RTL4: variants seen among roughly 807,000 people sequenced by gnomAD.
RTL4 encodes retrotransposon Gag-like protein 4.
Under a neutral mutation model 5.3 loss-of-function variants are expected in RTL4, and 4 were observed. That is an observed-to-expected ratio of 0.75 (90% CI 0.37 to 1.72). RTL4 has a LOEUF of 1.72. Ranked by LOEUF, RTL4 falls within the 40% of genes most tolerant of loss-of-function variation. The pLI, the probability that RTL4 is intolerant of heterozygous loss-of-function variation, is 0.04. For synonymous variants in RTL4, 98 were observed against 87.3 expected, an observed-to-expected ratio of 1.12 and a Z score of -0.68; for missense variants, 260 against 227.1, an observed-to-expected ratio of 1.14 and a Z score of -0.93.
upstream of RTL4, among the ~76,000 whole-genome samples, chrX:112,451,540 A>G (rs1433610944): frequency 8.9e-6 from 1 of 111,994 alleles, no homozygotes; most frequent in Non-Finnish European, 1.9e-5. Context: ...GTATGAAGCC[A>G]TGCTAATCTC....
the RTL4 span, among the ~76,000 whole-genome samples, chrX:112,261,812 C>T: frequency 8.9e-5 from 10 of 111,741 alleles, no homozygotes; most frequent in African/African-American, 3.3e-4. Context: ...GCTGCAGTAA[C>T]CAAAACAACA....
chrX:112,128,873 C>A, the RTL4 span, among the ~76,000 whole-genome samples: 1 of 110,915 alleles, frequency 9.0e-6, no homozygotes, highest in Non-Finnish European at 1.9e-5. Flanking sequence ...TTCTGTGCAT[C>A]AAAGGACATT....
chrX:112,286,864 A>G, the RTL4 span, among the ~76,000 whole-genome samples: 2 of 111,821 alleles, frequency 1.8e-5, no homozygotes, highest in East Asian at 5.6e-4. Context: ...AAGGAAACTA[A>G]TTAAGGTAAT....
At chrX:112,365,811 T>C in the RTL4 span, among the ~76,000 whole-genome samples, 1 of 111,204 alleles carries the variant, frequency 9.0e-6, no homozygotes, top group Admixed American at 9.5e-5. Context: ...CTCCATTCTC[T>C]TAATCATTGC....
the RTL4 span, among the ~76,000 whole-genome samples, chrX:112,358,289 T>C: frequency 9.2e-6 from 1 of 108,424 alleles, no homozygotes; most frequent in African/African-American, 3.4e-5. Context: ...TTTTTTTTTT[T>C]TTAGAGATGG....
At chrX:112,119,189 G>A in the RTL4 span, among the ~76,000 whole-genome samples, 1 of 110,497 alleles carries the variant, frequency 9.1e-6, no homozygotes, top group Non-Finnish European at 1.9e-5. Flanking sequence ...TGGAAATACA[G>A]TGTGTATAGA....
At chrX:112,242,659 C>T in the RTL4 span, among the ~76,000 whole-genome samples, 1 of 111,415 alleles carries the variant, frequency 9.0e-6, no homozygotes, top group East Asian at 2.8e-4. Flanking sequence ...CAATTTAACT[C>T]CTCTTTTCCT....
the RTL4 span, among the ~76,000 whole-genome samples, chrX:112,426,331 T>G: frequency 1.8e-5 from 2 of 111,654 alleles, no homozygotes; most frequent in Non-Finnish European, 3.8e-5. Flanking sequence ...TATTAAAATT[T>G]GAAATCCAGT....
At chrX:112,391,365 C>T in the RTL4 span, among the ~76,000 whole-genome samples, 43 of 111,169 alleles carry the variant, frequency 3.9e-4, no homozygotes, top group African/African-American at 1.2e-3. Context: ...CTGATGTGGT[C>T]GTTTGGAGGA....
chrX:112,251,555 G>A, the RTL4 span, among the ~76,000 whole-genome samples: 1 of 111,658 alleles, frequency 9.0e-6, no homozygotes, highest in South Asian at 3.7e-4. Flanking sequence ...ATTAGGTCCA[G>A]ATTTAACCAG....
At chrX:112,321,710 G>C in the RTL4 span, among the ~76,000 whole-genome samples, 2 of 111,503 alleles carry the variant, frequency 1.8e-5, no homozygotes, top group Non-Finnish European at 3.8e-5. Context: ...CCTATGAAGC[G>C]AGGATGATGA....
At chrX:112,193,388 T>G in the RTL4 span, among the ~76,000 whole-genome samples, 1 of 111,520 alleles carries the variant, frequency 9.0e-6, no homozygotes, top group Non-Finnish European at 1.9e-5. Flanking sequence ...TTATTTCTTC[T>G]GTCTAACTGT....
chrX:112,189,467 G>C, the RTL4 span, among the ~76,000 whole-genome samples: 6 of 111,603 alleles, frequency 5.4e-5, no homozygotes, highest in Admixed American at 1.9e-4. Flanking sequence ...AATGACAACT[G>C]AACATGTGTA....
At chrX:112,432,291 C>T in the RTL4 span, among the ~76,000 whole-genome samples, 6 of 95,100 alleles carry the variant, frequency 6.3e-5, no homozygotes, top group Non-Finnish European at 8.6e-5. Flanking sequence ...TTCTAGATCC[C>T]TGAGGAATCA....
chrX:112,330,601 A>C, the RTL4 span, among the ~76,000 whole-genome samples: 2 of 110,991 alleles, frequency 1.8e-5, no homozygotes, highest in African/African-American at 6.6e-5. Flanking sequence ...TTACAGATTC[A>C]ATGCCATCCC....
the RTL4 span, among the ~76,000 whole-genome samples, chrX:112,093,853 A>C: frequency 1.8e-5 from 2 of 111,894 alleles, no homozygotes; most frequent in Non-Finnish European, 3.8e-5. Context: ...GCAAAAGCAC[A>C]ATCTGTTCTA....
chrX:112,356,546 T>A, the RTL4 span, among the ~76,000 whole-genome samples: 3 of 108,882 alleles, frequency 2.8e-5, no homozygotes, highest in Non-Finnish European at 5.7e-5. Flanking sequence ...AATAGGCAAC[T>A]ATATTATATC....
chrX:112,325,558 C>T, the RTL4 span, among the ~76,000 whole-genome samples: 1 of 112,032 alleles, frequency 8.9e-6, no homozygotes, highest in Non-Finnish European at 1.9e-5. Context: ...GGAAAGGATT[C>T]CCTATTTAAG....
At chrX:112,186,132 A>G in the RTL4 span, among the ~76,000 whole-genome samples, 1 of 111,807 alleles carries the variant, frequency 8.9e-6, no homozygotes, top group Non-Finnish European at 1.9e-5. Context: ...ATTAGCGGCC[A>G]TGTTCATAAA....
Sources: gnomAD v4.1 joint callset for allele counts (sites outside exome capture counted in the v4.1 genomes callset) on GRCh38, gnomAD v4.1.1 for gene constraint, MANE v1.5 for transcripts, NCBI Gene and HGNC (gene_info 2026-07-23, HGNC 2026-07-21) for gene names.